CAMKK2: variants seen among roughly 807,000 people sequenced by gnomAD.
CAMKK2 encodes calcium/calmodulin dependent protein kinase kinase 2, also known as calcium/calmodulin-dependent protein kinase kinase 2.
A neutral mutation model predicts 67.2 loss-of-function variants in CAMKK2; 30 were observed. The observed-to-expected ratio is 0.45, with a 90% CI of 0.33 to 0.61. The LOEUF (loss-of-function observed/expected upper bound fraction) is 0.61. CAMKK2 is among the 20% of genes least tolerant of loss of function. CAMKK2 has a pLI of 0.02. For synonymous variants in CAMKK2, 322 were observed against 326.2 expected (o/e 0.99, Z 0.14); for missense variants, 643 against 802.0 (o/e 0.80, Z 2.39).
chr12:121,243,832 T>C, intron 16 of CAMKK2: 1 of 1,285,528 alleles, frequency 7.8e-7, no homozygotes, highest in Non-Finnish European at 9.9e-7. Context: ...AGTAAAGCTA[T>C]GTTTAAGAAA....
rs771727169 is a variant in CAMKK2, at chr12:121,249,853, C to T, written c.1257G>A (p.Leu419=). 2 of 1,614,192 alleles carry T rather than the reference C, an allele frequency of 1.2e-6. No homozygotes were observed. The highest frequency in any genetic ancestry group is 1.7e-5 in the Admixed American group (1 of 60,018). The change falls in exon 13 of 17, where the codon TTG becomes TTA. Residue 419 remains leucine, a synonymous_variant. Coordinates refer to ENST00000404169, the MANE Select transcript of CAMKK2 (RefSeq NM_001270485.2). ...CCAGCATACGGGTGATCAGGTCCTT[C>T]AAGTCCTCAGCTATGTCGGGCCTGG... ...FPDQPDIAED[L]KDLITRMLDK... is the part of the protein sequence containing the mutation.
chr12:121,275,100 T>G (rs1896556696), intron 1 of CAMKK2, among the ~76,000 whole-genome samples: 1 of 152,194 alleles, frequency 6.6e-6, no homozygotes, highest in South Asian at 2.1e-4. Context: ...GGCCTACTAT[T>G]GCTGGTCTTC....
chr12:121,254,415 G>A (rs111629519), intron 9 of CAMKK2, among the ~76,000 whole-genome samples: 3,113 of 152,130 alleles, frequency 0.02, 100 homozygotes, highest in African/African-American at 0.062. Flanking sequence ...CTGAGATCGC[G>A]CCACTGCACT....
At chr12:121,255,670 G>C (rs1401521367) in intron 8 of CAMKK2, 32 bp from the exon 9 acceptor site, 1 of 1,609,396 alleles carries the variant, frequency 6.2e-7, no homozygotes, top group Non-Finnish European at 8.5e-7. Flanking sequence ...GAAACACAAA[G>C]CAGACCCGCC....
rs1398727590 is a variant in CAMKK2 at position 121,285,491 on chromosome 12, G to C, written c.-59-10906C>G. ...GCACTCCAGCCTGGGCAACAGAGCA[G>C]GACCTTATCTAAAAAAGAAACAGAG... On this transcript the variant is annotated intron_variant, in intron 1 of 16. Transcript: ENST00000404169. This position sits in a 1 kb window ranked among gnomAD's most constrained non-coding sequence, Gnocchi z 4.1. Among the ~76,000 whole-genome samples the C allele has an allele frequency of 6.6e-6, 1 of 151,974 alleles. No homozygotes were observed. Among genetic ancestry groups the C allele is most frequent in the Non-Finnish European group, 1.5e-5 (1 of 67,938 alleles).
chr12:121,240,940 C>T lies in CAMKK2; in HGVS notation c.1597-71G>A, dbSNP rs2136118828. Reference sequence around the variant, plus strand: ...AGCGAGGCCCTGAGCCAGCTGCTCCCACATCTGGGCCCCCTGCCCAAGTGG... The same window carrying T: ...AGCGAGGCCCTGAGCCAGCTGCTCCTACATCTGGGCCCCCTGCCCAAGTGG... On this transcript the variant is annotated intron_variant, in intron 16 of 16. Coordinates refer to ENST00000404169, the MANE Select transcript of CAMKK2 (RefSeq NM_001270485.2). This position sits in a 1 kb window ranked among gnomAD's most constrained non-coding sequence, Gnocchi z 4.4. The T allele has an allele frequency of 7.2e-6, 11 of 1,525,972 alleles. No individual in the cohort carries two copies. The South Asian group carries it at 9.4e-5, about 13-fold the overall frequency. The allele number at this position is 1,525,972 out of a possible 1,614,324, so 94.5% of individuals were successfully genotyped here.
intron 14 of CAMKK2, among the ~76,000 whole-genome samples, chr12:121,247,840 G>A (rs1181249331): frequency 1.3e-5 from 2 of 152,166 alleles, no homozygotes; most frequent in Admixed American, 1.3e-4. Flanking sequence ...CCCTCCCAGA[G>A]CCCAGGGGCC....
chr12:121,259,910 T>C (rs1230064345), intron 7 of CAMKK2, among the ~76,000 whole-genome samples: 1 of 152,002 alleles, frequency 6.6e-6, no homozygotes, highest in East Asian at 1.9e-4. Context: ...TAGTGACACT[T>C]TGTCTCTAGA....
intron 3 of CAMKK2, chr12:121,269,788 C>G (rs1213566045): frequency 1.9e-6 from 1 of 522,466 alleles, no homozygotes; most frequent in Non-Finnish European, 3.4e-6. Flanking sequence ...GTGGCTCATA[C>G]CTGTAATCCC....
Position 121,240,670 on chromosome 12 carries a change from G to C in CAMKK2, c.*29C>G, listed in dbSNP as rs1377495943. 4 of 1,564,948 alleles carry C rather than the reference G, an allele frequency of 2.6e-6. No individual in the cohort carries two copies. In the Admixed American group the frequency reaches 7.6e-5, roughly 30 times the overall value. Reference sequence around the variant, plus strand: ...AGCAGCCCCCCAGAGGCGACGCGGCGCGCATGCGAGGTCGAGCGATCCAGG... The same window carrying C: ...AGCAGCCCCCCAGAGGCGACGCGGCCCGCATGCGAGGTCGAGCGATCCAGG... On this transcript the variant is annotated 3_prime_UTR_variant, in exon 17 of 17. Transcript: ENST00000404169. The surrounding 1 kb of genome is among the most constrained non-coding windows in gnomAD (Gnocchi z 4.4).
In CAMKK2 at chr12:121,253,443, T is replaced by C. The variant is rs1367628829; in HGVS notation, c.937A>G (p.Ile313Val). ...CCGACCAGGAGGTTGGAAGGTTTGA[T>C]GTCACGGTGGATGATCTTCTGGTAG... ...LHYQKIIHRD[I>V]KPSNLLVGED... The change falls in exon 10 of 17, where the codon ATC becomes GTC. Residue 313 changes from isoleucine (I) to valine (V), a missense_variant. Ile to Val is a conservative substitution (Grantham distance 29). Transcript: ENST00000404169. The surrounding 1 kb of genome is among the most constrained non-coding windows in gnomAD (Gnocchi z 5.0). The C allele has an allele frequency of 3.7e-6, 6 of 1,614,062 alleles. No homozygotes were observed. Among genetic ancestry groups the C allele is most frequent in the Non-Finnish European group, 4.2e-6 (5 of 1,180,040 alleles).
chr12:121,247,066 G>A (rs940082878), intron 14 of CAMKK2, among the ~76,000 whole-genome samples: 3 of 151,758 alleles, frequency 2.0e-5, no homozygotes, highest in African/African-American at 4.8e-5. Flanking sequence ...GTAAAACCTC[G>A]CCACACCCTC....
intron 14 of CAMKK2, among the ~76,000 whole-genome samples, 159 bp downstream of exon 14, chr12:121,248,447 C>A (rs1350079993): frequency 2.6e-5 from 4 of 152,240 alleles, no homozygotes; most frequent in Non-Finnish European, 5.9e-5. Context: ...GGTCACCTGG[C>A]CTGATACATG....
chr12:121,239,466 C>T lies in CAMKK2; in HGVS notation c.*1233G>A, dbSNP rs1399380325. 1 of 152,228 alleles carries T rather than the reference C, an allele frequency of 6.6e-6. No individual in the cohort carries two copies. Among genetic ancestry groups the T allele is most frequent in the South Asian group, 2.1e-4 (1 of 4,834 alleles). 9.4% of individuals were successfully genotyped at this position (152,228 alleles called of 1,614,324 possible). A position where few individuals can be genotyped will look rare whatever the true frequency, so the allele number is the denominator to read the frequency against. On this transcript the variant is annotated 3_prime_UTR_variant, in exon 17 of 17. Coordinates refer to ENST00000404169, the MANE Select transcript of CAMKK2 (RefSeq NM_001270485.2). ...AAGCCCTGGTTTCCTCATACCCCAA[C>T]GAGTGCTGTGGGTTTCAACAGTCTT...
chr12:121,244,113 G>A, intron 16 of CAMKK2: 1 of 1,612,078 alleles, frequency 6.2e-7, no homozygotes, highest in Non-Finnish European at 8.5e-7. Context: ...GGCAGGAAGG[G>A]GACTTATTTT....
chr12:121,244,151 A>T, intron 16 of CAMKK2: 1 of 1,609,022 alleles, frequency 6.2e-7, no homozygotes, highest in Non-Finnish European at 8.5e-7. Flanking sequence ...AAAGAAAGAG[A>T]AGTGGAGGCT....
At chr12:121,269,487 T>G in intron 4 of CAMKK2, 41 bp downstream of exon 4, 1 of 1,491,124 alleles carries the variant, frequency 6.7e-7, no homozygotes, top group South Asian at 1.2e-5. Context: ...GGCTCTTCTG[T>G]GGATAAGGAT....
rs1293962420 is a variant in CAMKK2, at chr12:121,289,188, G to A, written c.-60+7450C>T. Among the ~76,000 whole-genome samples the A allele has an allele frequency of 5.3e-5, 8 of 151,936 alleles. No individual in the cohort carries two copies. The East Asian group carries it at 7.7e-4, about 15-fold the overall frequency. ...GCCTCCTTCCAGCTTTCCAAAAAGC[G>A]AGCCAGTTTAAAAAAACAAAGCAAA... On this transcript the variant is annotated intron_variant, in intron 1 of 16. Transcript: ENST00000404169.
intron 13 of CAMKK2, among the ~76,000 whole-genome samples, chr12:121,249,126 G>A (rs3794205): frequency 0.28 from 41,856 of 152,188 alleles, 6,183 homozygotes; most frequent in East Asian, 0.34. Flanking sequence ...GAGGCTTGGA[G>A]GCATGGTGGG....
Sources: allele counts gnomAD v4.1 joint callset (sites outside exome capture counted in the v4.1 genomes callset), GRCh38; gene constraint gnomAD v4.1.1; non-coding constraint Gnocchi (gnomAD v3.1); transcripts MANE v1.5; gene names NCBI Gene and HGNC (gene_info 2026-07-23, HGNC 2026-07-21).